MLLT10: variants seen among roughly 807,000 people sequenced by gnomAD.
MLLT10 encodes MLLT10 histone lysine methyltransferase DOT1L cofactor.
Under a neutral mutation model 129.1 loss-of-function variants are expected in MLLT10, and 30 were observed. The ratio of observed to expected loss-of-function variants is 0.23; its 90% confidence interval spans 0.17 to 0.32. The LOEUF (loss-of-function observed/expected upper bound fraction) is 0.32, where lower values mean the gene tolerates loss of function less well. Among genes scored for constraint, MLLT10 ranks in the 10% least tolerant of loss-of-function variants. The probability of loss-of-function intolerance (pLI) is 1.00; values close to 1 mark genes in which losing one functional copy is unlikely to be tolerated. For missense variants in MLLT10, 1,119 were observed against 1,268.3 expected (o/e 0.88, Z 1.79); for synonymous variants, 490 against 446.4 (o/e 1.10, Z -1.23).
Position 21,662,917 on chromosome 10 carries a change from A to AT in MLLT10, c.796-7525dup, listed in dbSNP as rs34330648. 3.0e-4 allele frequency among the ~76,000 whole-genome samples: 45 copies of AT among 151,796 alleles called. 1 individual carries two copies. The highest frequency in any genetic ancestry group is 9.7e-4 in the East Asian group (5 of 5,180). Reference sequence around the variant, plus strand: ...TGAACTGCATAGGGGCTTCTTAGTTATTTTTTTCTCCCTCAAGTGGGACAG... The same window carrying AT: ...TGAACTGCATAGGGGCTTCTTAGTTATTTTTTTTCTCCCTCAAGTGGGACAG... On this transcript the variant is annotated intron_variant, in intron 9 of 22. Coordinates refer to ENST00000307729, the MANE Select transcript of MLLT10 (RefSeq NM_001195626.3).
At chr10:21,625,430 A>C (rs1246414465) in intron 8 of MLLT10, 1 of 879,944 alleles carries the variant, frequency 1.1e-6, no homozygotes, top group African/African-American at 1.7e-5. Flanking sequence ...TCTCACAAAG[A>C]ATACTTTTAC....
At chr10:21,704,355 CTCTATATA>C (rs779472488) in intron 13 of MLLT10, among the ~76,000 whole-genome samples, 979 of 70,398 alleles carry the variant, frequency 0.014, 3 homozygotes, top group East Asian at 0.031. Context: ...CTCTCTCTCT[CTCTATATA>C]TATATATATA....
chr10:21,599,871 C>G (rs1348008890), intron 5 of MLLT10, among the ~76,000 whole-genome samples: 2 of 152,068 alleles, frequency 1.3e-5, no homozygotes, highest in African/African-American at 4.8e-5. Flanking sequence ...TGGGCCCAGC[C>G]CCATCTTGTG....
At chr10:21,601,172 T>G (rs796742830) in intron 5 of MLLT10, among the ~76,000 whole-genome samples, 2 of 152,288 alleles carry the variant, frequency 1.3e-5, no homozygotes, top group African/African-American at 4.8e-5. Context: ...TCTTGAACTC[T>G]TGGATTCAAA....
chr10:21,741,700 G>A (rs1015360973), intron 22 of MLLT10, among the ~76,000 whole-genome samples: 1 of 152,166 alleles, frequency 6.6e-6, no homozygotes, highest in Non-Finnish European at 1.5e-5. Flanking sequence ...TTCTTTACAA[G>A]TTCTGTCCCT....
intron 7 of MLLT10, among the ~76,000 whole-genome samples, chr10:21,615,822 A>C (rs1006988915): frequency 2.8e-4 from 42 of 152,176 alleles, no homozygotes; most frequent in African/African-American, 9.2e-4. Flanking sequence ...TTGAGTTAGT[A>C]ACATTTGATT....
chr10:21,631,036 C>T (rs964074862), intron 8 of MLLT10, among the ~76,000 whole-genome samples: 2 of 152,028 alleles, frequency 1.3e-5, no homozygotes, highest in Non-Finnish European at 2.9e-5. Context: ...GTACGTCGGG[C>T]GCGGTGGCTC....
At chr10:21,641,741 G>A (rs886888142) in intron 8 of MLLT10, among the ~76,000 whole-genome samples, 26 of 152,150 alleles carry the variant, frequency 1.7e-4, no homozygotes, top group African/African-American at 5.8e-4. Flanking sequence ...CAAACAAGAC[G>A]TTGAAGAGGT....
intron 8 of MLLT10, among the ~76,000 whole-genome samples, chr10:21,630,589 T>C (rs753494949): frequency 8.5e-5 from 13 of 152,230 alleles, no homozygotes; most frequent in Admixed American, 2.6e-4. Flanking sequence ...CTCCTGTAAT[T>C]CAGTCCACTG....
chr10:21,575,949 T>A (rs1280390802), intron 3 of MLLT10, among the ~76,000 whole-genome samples: 1 of 152,072 alleles, frequency 6.6e-6, no homozygotes. Flanking sequence ...TTTTATGAGA[T>A]GAGGTTTTAC....
chr10:21,738,548 A>AATG, intron 21 of MLLT10: 1 of 1,279,896 alleles, frequency 7.8e-7, no homozygotes, highest in African/African-American at 1.5e-5. Context: ...TACAGGGATC[A>AATG]AACTTAACGT....
chr10:21,690,664 T>A (rs1342980749), intron 13 of MLLT10, among the ~76,000 whole-genome samples: 8 of 152,108 alleles, frequency 5.3e-5, no homozygotes, highest in African/African-American at 1.4e-4. Context: ...AATACCTCTG[T>A]CCTGGAGTTA....
At chr10:21,598,696 C>T (rs777781287) in intron 5 of MLLT10, among the ~76,000 whole-genome samples, 5 of 152,098 alleles carry the variant, frequency 3.3e-5, no homozygotes, top group Non-Finnish European at 7.4e-5. Flanking sequence ...ACCAGCCTAG[C>T]TAATGAAACC....
chr10:21,660,827 A>G (rs560568685), intron 9 of MLLT10, among the ~76,000 whole-genome samples: 2 of 148,352 alleles, frequency 1.3e-5, no homozygotes, highest in Admixed American at 1.4e-4. Context: ...GAGCCAAGAT[A>G]GCGTCATTGC....
intron 4 of MLLT10, among the ~76,000 whole-genome samples, chr10:21,589,264 T>C (rs2042276742): frequency 6.6e-6 from 1 of 152,126 alleles, no homozygotes; most frequent in African/African-American, 2.4e-5. Flanking sequence ...TTCAATTTAT[T>C]AATCTTTCAT....
At chr10:21,702,363 G>A (rs781310451) in intron 13 of MLLT10, among the ~76,000 whole-genome samples, 6 of 152,130 alleles carry the variant, frequency 3.9e-5, no homozygotes, top group Non-Finnish European at 7.4e-5. Context: ...CCTGACATAC[G>A]GTCTGTCCTG....
At chr10:21,591,904 A>T (rs2042546507) in intron 4 of MLLT10, among the ~76,000 whole-genome samples, 1 of 152,124 alleles carries the variant, frequency 6.6e-6, no homozygotes, top group Non-Finnish European at 1.5e-5. Flanking sequence ...TATTTTTAGT[A>T]GAGACATAGT....
intron 13 of MLLT10, among the ~76,000 whole-genome samples, chr10:21,693,647 T>A (rs557166073): frequency 2.0e-5 from 3 of 151,792 alleles, no homozygotes; most frequent in African/African-American, 7.3e-5. Context: ...TTGAGAGAAT[T>A]CATGCGTTTC....
At chr10:21,739,846 T>C (rs2058684785) in intron 21 of MLLT10, among the ~76,000 whole-genome samples, 184 bp from the exon 22 acceptor site, 1 of 152,224 alleles carries the variant, frequency 6.6e-6, no homozygotes, top group African/African-American at 2.4e-5. Flanking sequence ...AGCTGTTTGC[T>C]GAAGATACTG....
Sources: allele counts gnomAD v4.1 joint callset (sites outside exome capture counted in the v4.1 genomes callset), GRCh38; gene constraint gnomAD v4.1.1; transcripts MANE v1.5; gene names NCBI Gene and HGNC (gene_info 2026-07-23, HGNC 2026-07-21).